The following EMB variants were observed in gnomAD, a reference collection of about 807,000 sequenced individuals.
EMB encodes embigin homolog.
EMB carries 31 observed loss-of-function variants against 41.4 expected under a neutral mutation model. That is an observed-to-expected ratio of 0.75 (90% CI 0.56 to 1.01). The LOEUF is 1.01. Ranked by LOEUF, EMB falls within the 50% of genes least tolerant of loss-of-function variation. The probability of loss-of-function intolerance (pLI) is 0.00; values close to 1 mark genes in which losing one functional copy is unlikely to be tolerated. For synonymous variants in EMB, 137 were observed against 140.4 expected, an observed-to-expected ratio of 0.98 and a Z score of 0.17; for missense variants, 379 against 388.3, an observed-to-expected ratio of 0.98 and a Z score of 0.20.
chr5:50,405,772 A>G lies in EMB; in HGVS notation c.553T>C (p.Cys185Arg), dbSNP rs775106766. Residue 185 changes from cysteine to arginine, a missense_variant, in exon 5 of 9, where the codon TGT becomes CGT. Physicochemically the swap from Cys to Arg is radical, Grantham distance 180. Coordinates refer to ENST00000303221, the MANE Select transcript of EMB (RefSeq NM_198449.3). ...TACCAGGTCCAATTTAAAGGAAAACAATTTTGACATTTACATGTCAAGACA... is the reference window on the plus strand; with the variant it reads ...TACCAGGTCCAATTTAAAGGAAAACGATTTTGACATTTACATGTCAAGACA... Reference protein sequence around the residue: ...STVLTCKCQNCFPLNWTWYSS... With the variant: ...STVLTCKCQNRFPLNWTWYSS... 13 of 1,607,224 alleles carry G rather than the reference A, an allele frequency of 8.1e-6. No homozygotes were observed. Among genetic ancestry groups the G allele is most frequent in the Non-Finnish European group, 1.1e-5 (13 of 1,176,748 alleles).
intron 2 of EMB, among the ~76,000 whole-genome samples, chr5:50,417,080 C>T (rs1424865231): frequency 1.3e-5 from 2 of 152,172 alleles, no homozygotes; most frequent in African/African-American, 4.8e-5. Context: ...CTACCACCAG[C>T]TCACTCTTGA....
chr5:50,426,100 CTTGAT>C (rs1213861397), intron 2 of EMB, among the ~76,000 whole-genome samples: 1 of 152,186 alleles, frequency 6.6e-6, no homozygotes, highest in East Asian at 1.9e-4. Flanking sequence ...AATAAATATA[CTTGAT>C]TTAATAATGC....
chr5:50,407,639 T>A (rs1441479006), intron 4 of EMB, among the ~76,000 whole-genome samples: 5 of 152,094 alleles, frequency 3.3e-5, no homozygotes, highest in African/African-American at 1.2e-4. Context: ...ATGCACTATG[T>A]TCAGGGAACA....
At chr5:50,399,764 C>G (rs1367013795) in intron 8 of EMB, 95 bp downstream of exon 8, 1 of 960,916 alleles carries the variant, frequency 1.0e-6, no homozygotes, top group Non-Finnish European at 1.6e-6. Flanking sequence ...ATGACCAGAT[C>G]TTTTATGGAA....
chr5:50,420,667 C>A (rs13155227), intron 2 of EMB, among the ~76,000 whole-genome samples: 1 of 152,210 alleles, frequency 6.6e-6, no homozygotes, highest in African/African-American at 2.4e-5. Flanking sequence ...TGTATGACAT[C>A]GGGGGAGGAG....
Position 50,428,231 on chromosome 5 carries a change from TAA to T in EMB, c.113-6_113-5del. On this transcript the variant is annotated splice_region_variant and splice_polypyrimidine_tract_variant and intron_variant, in intron 1 of 8. Coordinates refer to ENST00000303221, the MANE Select transcript of EMB (RefSeq NM_198449.3). The stretch of plus-strand genomic sequence containing the variant: ...GGTGGACTTGTAAAAGGCGAATCTA[TAA>T]GAGAAAGAACACATGATTACACACT... 1 of 1,602,082 alleles carries T rather than the reference TAA, an allele frequency of 6.2e-7. No homozygotes were observed. The highest frequency in any genetic ancestry group is 1.3e-5 in the African/African-American group (1 of 74,676).
At chr5:50,413,992 A>C (rs1051153123) in intron 2 of EMB, among the ~76,000 whole-genome samples, 7 of 152,194 alleles carry the variant, frequency 4.6e-5, no homozygotes, top group Admixed American at 2.0e-4. Flanking sequence ...AGCAAAACTG[A>C]ACTGTAATAT....
intron 2 of EMB, among the ~76,000 whole-genome samples, chr5:50,412,809 C>A (rs1397013818): frequency 6.6e-6 from 1 of 151,744 alleles, no homozygotes; most frequent in Non-Finnish European, 1.5e-5. Flanking sequence ...GGTTAGGACT[C>A]CCCACCCTTC....
At position 50,401,495 on chromosome 5, in the gene EMB, T is replaced by A. The variant is rs180703430; in HGVS notation, c.911+791A>T. The stretch of plus-strand genomic sequence containing the variant: ...CAACTTTAATCTAGCCTCGTTTTCC[T>A]GGACTCCAGCCCTTGGCTCTATTGT... On this transcript the variant is annotated intron_variant, in intron 7 of 8. Coordinates refer to ENST00000303221, the MANE Select transcript of EMB (RefSeq NM_198449.3). 3.9e-5 allele frequency among the ~76,000 whole-genome samples: 6 copies of A among 152,122 alleles called. No homozygotes were observed. The East Asian group carries it at 1.2e-3, about 30-fold the overall frequency.
chr5:50,431,969 C>T (rs1745727436), intron 1 of EMB, among the ~76,000 whole-genome samples: 1 of 152,104 alleles, frequency 6.6e-6, no homozygotes, highest in Non-Finnish European at 1.5e-5. Flanking sequence ...AAATGTGTTG[C>T]TAGAAGGGCA....
At chr5:50,425,713 G>A (rs557566547) in intron 2 of EMB, among the ~76,000 whole-genome samples, 1 of 76,942 alleles carries the variant, frequency 1.3e-5, no homozygotes, top group Non-Finnish European at 2.4e-5. Context: ...TTTATTTCTG[G>A]GGGGGCAGGG....
At chr5:50,424,450 G>A (rs1478448116) in intron 2 of EMB, among the ~76,000 whole-genome samples, 1 of 152,136 alleles carries the variant, frequency 6.6e-6, no homozygotes, top group East Asian at 1.9e-4. Flanking sequence ...GAGAGAGGAA[G>A]GATTTGAACA....
chr5:50,401,162 G>C (rs552121304), intron 7 of EMB, among the ~76,000 whole-genome samples: 1 of 151,990 alleles, frequency 6.6e-6, no homozygotes, highest in African/African-American at 2.4e-5. Context: ...CCAACTATGG[G>C]AGTCTATGAT....
rs1745643833 is a variant in EMB at position 50,427,762 on chromosome 5, T to A, written c.196+382A>T. 2.0e-5 allele frequency among the ~76,000 whole-genome samples: 3 copies of A among 152,154 alleles called. No individual in the cohort carries two copies. In the South Asian group the frequency reaches 6.2e-4, roughly 32 times the overall value. On this transcript the variant is annotated intron_variant, in intron 2 of 8. Coordinates refer to ENST00000303221, the MANE Select transcript of EMB (RefSeq NM_198449.3). ...TAGCACAGTGACTCATTTGATATCA[T>A]CTTTAATTTCTCTGGCTAAAGGTTT...
chr5:50,403,123 A>G, intron 6 of EMB, 55 bp downstream of exon 6: 1 of 1,457,138 alleles, frequency 6.9e-7, no homozygotes, highest in Admixed American at 2.3e-5. Flanking sequence ...TGATACTTAT[A>G]ATTAACTGAT....
intron 1 of EMB, among the ~76,000 whole-genome samples, chr5:50,435,063 A>T (rs1034611608): frequency 1.3e-5 from 2 of 152,232 alleles, no homozygotes; most frequent in Non-Finnish European, 2.9e-5. Flanking sequence ...GAACATTAAC[A>T]GATTTCTCAA....
At chr5:50,433,751 G>C (rs1745761687) in intron 1 of EMB, among the ~76,000 whole-genome samples, 1 of 152,192 alleles carries the variant, frequency 6.6e-6, no homozygotes, top group Non-Finnish European at 1.5e-5. Flanking sequence ...CTACAAATTT[G>C]GTGGCAAAAA....
intron 1 of EMB, among the ~76,000 whole-genome samples, chr5:50,439,824 A>G (rs1745866791): frequency 6.6e-6 from 1 of 152,160 alleles, no homozygotes; most frequent in Non-Finnish European, 1.5e-5. Context: ...TTCCCATGAG[A>G]GTTTGAAAAC....
chr5:50,410,795 A>G, intron 4 of EMB, 82 bp downstream of exon 4: 1 of 891,730 alleles, frequency 1.1e-6, no homozygotes, highest in Non-Finnish European at 1.6e-6. Flanking sequence ...TATTGTAAAA[A>G]TAATTTTAAA....
Sources: gnomAD v4.1 joint callset for allele counts (sites outside exome capture counted in the v4.1 genomes callset) on GRCh38, gnomAD v4.1.1 for gene constraint, MANE v1.5 for transcripts, NCBI Gene and HGNC (gene_info 2026-07-23, HGNC 2026-07-21) for gene names.